The following PRKAA1 variants were observed in gnomAD, a reference collection of about 807,000 sequenced individuals.
PRKAA1 encodes protein kinase AMP-activated catalytic subunit alpha 1.
Under a neutral mutation model 56.9 loss-of-function variants are expected in PRKAA1, and 23 were observed. The ratio of observed to expected loss-of-function variants is 0.40; its 90% CI spans 0.29 to 0.57. The LOEUF (loss-of-function observed/expected upper bound fraction) is 0.57. PRKAA1 is among the 20% of genes least tolerant of loss of function. PRKAA1 has a pLI of 0.39. For missense variants in PRKAA1, 413 were observed against 679.7 expected (o/e 0.61, Z 4.36); for synonymous variants, 226 against 227.0 (o/e 1.00, Z 0.04).
intron 1 of PRKAA1, among the ~76,000 whole-genome samples, chr5:40,783,879 G>A (rs1250069027): frequency 2.0e-5 from 3 of 152,158 alleles, no homozygotes; most frequent in Non-Finnish European, 4.4e-5. Context: ...TGTGAAAGCA[G>A]TATGTATACA....
At chr5:40,769,342 A>C in intron 5 of PRKAA1, 74 bp downstream of exon 5, 1 of 1,164,946 alleles carries the variant, frequency 8.6e-7, no homozygotes, top group Middle Eastern at 2.1e-4. Context: ...TAAATATGAC[A>C]CTATAGACTA....
intron 1 of PRKAA1, 146 bp downstream of exon 1, chr5:40,797,917 G>C (rs1345223695): frequency 4.3e-6 from 6 of 1,393,310 alleles, no homozygotes; most frequent in Non-Finnish European, 5.7e-6. Flanking sequence ...GCGGCGGCTG[G>C]GGAGAGCTCC....
chr5:40,776,457 G>A (rs1744009294), intron 2 of PRKAA1, among the ~76,000 whole-genome samples: 2 of 152,206 alleles, frequency 1.3e-5, no homozygotes, highest in Admixed American at 1.3e-4. Context: ...TCTGGTGTAA[G>A]AAGAGATCTT....
At position 40,761,962 on chromosome 5, in the gene PRKAA1, C is replaced by A. The variant is rs1021501257; in HGVS notation, c.*816G>T. The A allele has an allele frequency of 3.9e-5, 6 of 152,106 alleles. No homozygotes were observed. The highest frequency in any genetic ancestry group is 1.4e-4 in the African/African-American group (6 of 41,412). The allele number at this position is 152,106 out of a possible 1,614,324, so 9.4% of individuals were successfully genotyped here. On this transcript the variant is annotated 3_prime_UTR_variant, in exon 9 of 9. Coordinates refer to ENST00000397128, the MANE Select transcript of PRKAA1 (RefSeq NM_006251.6). ...CTGATATCTGATATGACTTACCATA[C>A]ACTACAGAATTTTAAAAGGGGGATA...
chr5:40,795,237 G>C (rs545603998), intron 1 of PRKAA1, among the ~76,000 whole-genome samples: 20 of 152,194 alleles, frequency 1.3e-4, no homozygotes, highest in African/African-American at 4.8e-4. Flanking sequence ...GGGACTTGAG[G>C]GGGAAGAGTG....
chr5:40,762,728 A>G lies in PRKAA1; in HGVS notation c.*50T>C, dbSNP rs750838337. The G allele has an allele frequency of 2.0e-5, 32 of 1,599,926 alleles. No homozygotes were observed. The highest frequency in any genetic ancestry group is 2.6e-5 in the Non-Finnish European group (30 of 1,171,260). On this transcript the variant is annotated 3_prime_UTR_variant, in exon 9 of 9. Transcript: ENST00000397128. ...TTACAAATGGAAGCATTTGGCTGTG[A>G]CTTATTATGCATGCTTATTGCTGCA...
At chr5:40,790,525 C>CTCTTTTTTTTTTTTTTTTT (rs546238399) in intron 1 of PRKAA1, among the ~76,000 whole-genome samples, 2 of 112,012 alleles carry the variant, frequency 1.8e-5, no homozygotes, top group Non-Finnish European at 3.6e-5. Context: ...TCAACTCTTT[C>CTCTTTTTTTTTTTTTTTTT]TTTTTTTTTT....
In PRKAA1 at chr5:40,777,562, T is replaced by C; in HGVS notation, c.152A>G (p.His51Arg). The change falls in exon 2 of 9, where the codon CAT becomes CGT. Residue 51 changes from histidine (H) to arginine (R), a missense_variant. Physicochemically the swap from His to Arg is conservative, Grantham distance 29. Transcript: ENST00000397128. The stretch of plus-strand genomic sequence containing the variant: ...ATTGAGTATCTTCACAGCTACTTTA[T>C]GCCCAGTCAATTCATGTTTGCCAAC... ...VKVGKHELTG[H>R]KVAVKILNRQ... is the part of the protein sequence containing the mutation. The C allele has an allele frequency of 6.2e-7, 1 of 1,611,884 alleles. No homozygotes were observed. The highest frequency in any genetic ancestry group is 8.5e-7 in the Non-Finnish European group (1 of 1,178,638).
intron 5 of PRKAA1, chr5:40,768,872 T>G (rs1743594129): frequency 6.4e-7 from 1 of 1,555,200 alleles, no homozygotes. Context: ...TGTACAAATA[T>G]CTTCATGTTC....
intron 1 of PRKAA1, among the ~76,000 whole-genome samples, chr5:40,785,469 A>C (rs1448685896): frequency 2.0e-5 from 3 of 151,860 alleles, no homozygotes; most frequent in Non-Finnish European, 4.4e-5. Context: ...TGAACTCCTG[A>C]CCGCAGGTGA....
At position 40,764,952 on chromosome 5, in the gene PRKAA1, G is replaced by A. The variant is rs2111980533; in HGVS notation, c.1108C>T (p.Pro370Ser). 1 of 1,614,154 alleles carries A rather than the reference G, an allele frequency of 6.2e-7. No individual in the cohort carries two copies. Among genetic ancestry groups the A allele is most frequent in the Non-Finnish European group, 8.5e-7 (1 of 1,180,012 alleles). The change falls in exon 7 of 9, where the codon CCC (proline) becomes TCC (serine). Residue 370 changes from proline (P) to serine (S), a missense_variant. By Grantham distance (74) the Pro-to-Ser change is moderately conservative. Around this residue, in one of 9 missense-constraint regions of PRKAA1, gnomAD observed 50 missense variants for 87.7 expected, o/e 0.57. Coordinates refer to ENST00000397128, the MANE Select transcript of PRKAA1 (RefSeq NM_006251.6). ...AAGAATGGTACTCTTTCAGGATGGG[G>A]CCGAGTCAGGTGATGATCATCAAGA... ...SFLDDHHLTRPHPERVPFLVA... is the reference protein window; with the variant it reads ...SFLDDHHLTRSHPERVPFLVA...
At chr5:40,765,760 A>AAC (rs1554030730) in intron 6 of PRKAA1, among the ~76,000 whole-genome samples, 4 of 151,836 alleles carry the variant, frequency 2.6e-5, no homozygotes, top group Non-Finnish European at 4.4e-5. Flanking sequence ...TTAAAAAAAA[A>AAC]ATCAAGGAAC....
chr5:40,779,676 C>T (rs1182045894), intron 1 of PRKAA1, among the ~76,000 whole-genome samples: 1 of 152,096 alleles, frequency 6.6e-6, no homozygotes, highest in African/African-American at 2.4e-5. Context: ...CTGACAAGAT[C>T]GATCAAAAAC....
In PRKAA1 at chr5:40,760,026, T is replaced by A. The variant is rs1291301076; in HGVS notation, c.*2752A>T. 6.5e-6 allele frequency: 1 copy of A among 152,740 alleles called. No homozygotes were observed. The highest frequency in any genetic ancestry group is 1.5e-5 in the Non-Finnish European group (1 of 68,034). The allele number at this position is 152,740 out of a possible 1,614,324, so 9.5% of individuals were successfully genotyped here. ...CATTTCTGGCAAAAAACCTTATACA[T>A]CTTTCAGTTGTCAAGACAAAGTAAA... On this transcript the variant is annotated 3_prime_UTR_variant, in exon 9 of 9. Coordinates refer to ENST00000397128, the MANE Select transcript of PRKAA1 (RefSeq NM_006251.6).
intron 8 of PRKAA1, among the ~76,000 whole-genome samples, chr5:40,763,882 T>A (rs1178677792): frequency 6.6e-6 from 1 of 152,186 alleles, no homozygotes; most frequent in Non-Finnish European, 1.5e-5. Context: ...AATTCAAACG[T>A]GAACCTCATC....
rs564134453 is a variant in PRKAA1 at position 40,770,582 on chromosome 5, G to GA, written c.509-1080dup. ...AATGGCAATTTATATAGGAAATACA[G>GA]AAAAAATAAATTCTTTTTTTTTTTT... On this transcript the variant is annotated intron_variant, in intron 4 of 8. Coordinates refer to ENST00000397128, the MANE Select transcript of PRKAA1 (RefSeq NM_006251.6). Among the ~76,000 whole-genome samples the GA allele has an allele frequency of 4.3e-3, 613 of 142,168 alleles. 4 individuals are homozygous for GA. Among genetic ancestry groups the GA allele is most frequent in the African/African-American group, 0.015 (581 of 39,230 alleles). 93.3% of individuals were successfully genotyped at this position (142,168 alleles called of 152,430 possible).
intron 1 of PRKAA1, among the ~76,000 whole-genome samples, chr5:40,795,507 C>T (rs574639307): frequency 6.6e-6 from 1 of 152,294 alleles, no homozygotes; most frequent in South Asian, 2.1e-4. Flanking sequence ...ATCCCCCTTG[C>T]TAATGCCTGC....
chr5:40,785,833 CACACACAGAGAGAGAGAG>C (rs778621010), intron 1 of PRKAA1, among the ~76,000 whole-genome samples: 3 of 57,748 alleles, frequency 5.2e-5, no homozygotes, highest in South Asian at 5.4e-4. Context: ...CACACACACA[CACACACAGAGAGAGAGAG>C]AGAGAGAGAG....
At chr5:40,780,282 C>T (rs1025045572) in intron 1 of PRKAA1, among the ~76,000 whole-genome samples, 1 of 152,236 alleles carries the variant, frequency 6.6e-6, no homozygotes, top group Non-Finnish European at 1.5e-5. Context: ...GCCTGGTATA[C>T]TTAATTTATC....
Sources: gnomAD v4.1 joint callset for allele counts (sites outside exome capture counted in the v4.1 genomes callset) on GRCh38, gnomAD v4.1.1 for gene constraint, gnomAD v4.1.1 regional missense constraint, MANE v1.5 for transcripts, NCBI Gene and HGNC (gene_info 2026-07-23, HGNC 2026-07-21) for gene names.